The following CHD7 variants were observed in gnomAD, a reference collection of about 807,000 sequenced individuals.
CHD7 encodes the protein chromodomain helicase DNA binding protein 7, also known as ATP-dependent chromatin remodeler CHD7.
In CHD7, 24 loss-of-function variants were observed where a neutral mutation model predicts 307.3. The observed-to-expected ratio is 0.08, with a 90% CI of 0.06 to 0.11. The LOEUF (loss-of-function observed/expected upper bound fraction) is 0.11. Ranked by LOEUF, CHD7 falls within the 10% of genes least tolerant of loss-of-function variation. The pLI is 1.00. For missense variants in CHD7, 3,106 were observed against 3,727.1 expected (o/e 0.83, Z 4.34); for synonymous variants, 1,363 against 1,349.9 (o/e 1.01, Z -0.21).
chr8:60,782,764 T>C (rs1811314880), intron 3 of CHD7, among the ~76,000 whole-genome samples: 1 of 152,208 alleles, frequency 6.6e-6, no homozygotes, highest in African/African-American at 2.4e-5. Flanking sequence ...TATTAAGTGC[T>C]TATTATTTGC....
intron 1 of CHD7, among the ~76,000 whole-genome samples, chr8:60,710,971 T>A (rs963371671): frequency 6.6e-6 from 1 of 152,282 alleles, no homozygotes; most frequent in Non-Finnish European, 1.5e-5. Context: ...CATATTTTTT[T>A]AAATTCCTAG....
At chr8:60,807,311 A>G (rs906531221) in intron 6 of CHD7, among the ~76,000 whole-genome samples, 1 of 152,216 alleles carries the variant, frequency 6.6e-6, no homozygotes, top group Non-Finnish European at 1.5e-5. Flanking sequence ...TGTAAAAGCA[A>G]TCCCCAAACA....
At chr8:60,688,311 C>T (rs1013045673) in intron 1 of CHD7, among the ~76,000 whole-genome samples, 3 of 146,246 alleles carry the variant, frequency 2.1e-5, no homozygotes, top group African/African-American at 7.9e-5. Flanking sequence ...CTCCAGCTAA[C>T]ATACTTGGTA....
chr8:60,781,691 A>G (rs1330543429), intron 3 of CHD7, among the ~76,000 whole-genome samples: 1 of 152,230 alleles, frequency 6.6e-6, no homozygotes, highest in Non-Finnish European at 1.5e-5. Context: ...ATGAAAACTT[A>G]TCATTTAGCA....
At chr8:60,750,778 T>C (rs967256556) in intron 2 of CHD7, among the ~76,000 whole-genome samples, 2 of 152,238 alleles carry the variant, frequency 1.3e-5, no homozygotes, top group African/African-American at 2.4e-5. Context: ...CATGCTAGAC[T>C]CTTTCCCTAT....
At chr8:60,858,435 A>G (rs1805815709) in intron 34 of CHD7, among the ~76,000 whole-genome samples, 1 of 152,210 alleles carries the variant, frequency 6.6e-6, no homozygotes, top group Non-Finnish European at 1.5e-5. Context: ...TATGGCCCTC[A>G]GACAGAGTTG....
intron 1 of CHD7, among the ~76,000 whole-genome samples, chr8:60,684,202 T>C (rs1401845463): frequency 2.0e-5 from 3 of 152,210 alleles, no homozygotes; most frequent in Non-Finnish European, 4.4e-5. Flanking sequence ...GCTGGTTCAC[T>C]CTCAGGCTTG....
intron 31 of CHD7, among the ~76,000 whole-genome samples, 195 bp from the exon 32 acceptor site, chr8:60,854,168 A>G (rs1805604583): frequency 6.6e-6 from 1 of 152,222 alleles, no homozygotes; most frequent in African/African-American, 2.4e-5. Context: ...ATCATCTGCA[A>G]GATGGAAATA....
At chr8:60,854,734 T>C (rs1256886437) in intron 32 of CHD7, among the ~76,000 whole-genome samples, 3 of 152,220 alleles carry the variant, frequency 2.0e-5, no homozygotes, top group Non-Finnish European at 2.9e-5. Context: ...GGAAATGTGA[T>C]GTGAAAGAAA....
intron 1 of CHD7, among the ~76,000 whole-genome samples, chr8:60,684,077 A>G (rs1308546525): frequency 1.3e-5 from 2 of 152,126 alleles, no homozygotes; most frequent in African/African-American, 4.8e-5. Context: ...TTGTTTTTTC[A>G]GAGAAGGATT....
chr8:60,780,966 T>C lies in CHD7; in HGVS notation c.1666-34T>C, dbSNP rs377014957. Reference sequence around the variant, plus strand: ...TTCTTTTCTTTACTGTGAAGAATGATAAACTAATTTCAATTCCTATTTGTG... The same window carrying C: ...TTCTTTTCTTTACTGTGAAGAATGACAAACTAATTTCAATTCCTATTTGTG... On this transcript the variant is annotated intron_variant, in intron 2 of 37. Coordinates refer to ENST00000423902, the MANE Select transcript of CHD7 (RefSeq NM_017780.4). 17 of 1,486,168 alleles carry C rather than the reference T, an allele frequency of 1.1e-5. No individual in the cohort carries two copies. The African/African-American group carries it at 2.3e-4, about 20-fold the overall frequency. The allele number at this position is 1,486,168 out of a possible 1,614,324, so 92.1% of individuals were successfully genotyped here.
intron 3 of CHD7, among the ~76,000 whole-genome samples, chr8:60,781,902 T>C (rs1283372875): frequency 1.3e-5 from 2 of 152,164 alleles, no homozygotes; most frequent in Non-Finnish European, 2.9e-5. Context: ...AGGAGCAGGG[T>C]TGAAATCCTA....
At chr8:60,799,276 G>A (rs1812182906) in intron 4 of CHD7, among the ~76,000 whole-genome samples, 1 of 152,162 alleles carries the variant, frequency 6.6e-6, no homozygotes, top group Non-Finnish European at 1.5e-5. Context: ...TGAAAGTAGT[G>A]AGTCAAAGGT....
intron 1 of CHD7, among the ~76,000 whole-genome samples, chr8:60,682,061 A>G (rs1434578422): frequency 6.6e-6 from 1 of 152,176 alleles, no homozygotes; most frequent in African/African-American, 2.4e-5. Flanking sequence ...ATGTTTAAAA[A>G]CCCAAATATT....
At chr8:60,836,321 T>TAAAAAA in intron 16 of CHD7, 38 bp downstream of exon 16, 1 of 1,570,860 alleles carries the variant, frequency 6.4e-7, no homozygotes, top group Admixed American at 1.8e-5. Context: ...AAAGGAAATC[T>TAAAAAA]AAAATTACCT....
chr8:60,770,662 AT>A (rs951305425), intron 2 of CHD7, among the ~76,000 whole-genome samples: 14 of 151,664 alleles, frequency 9.2e-5, no homozygotes, highest in East Asian at 5.8e-4. Context: ...GAGGTTTTTA[AT>A]TTTTTTTTCT....
chr8:60,736,025 T>A (rs1808686187), intron 1 of CHD7, among the ~76,000 whole-genome samples: 1 of 152,220 alleles, frequency 6.6e-6, no homozygotes, highest in African/African-American at 2.4e-5. Flanking sequence ...CCTAGCATAC[T>A]AATGAGGAAG....
intron 1 of CHD7, among the ~76,000 whole-genome samples, chr8:60,737,468 TC>T (rs1192365726): frequency 6.6e-6 from 1 of 152,246 alleles, no homozygotes; most frequent in Non-Finnish European, 1.5e-5. Context: ...AGGATTTTTT[TC>T]ATCTGTTAAA....
intron 1 of CHD7, among the ~76,000 whole-genome samples, chr8:60,711,050 A>T (rs886557809): frequency 6.6e-6 from 1 of 152,202 alleles, no homozygotes; most frequent in African/African-American, 2.4e-5. Context: ...AAAATAGACC[A>T]GTTGACATTT....
Sources: gnomAD v4.1 joint callset for allele counts (sites outside exome capture counted in the v4.1 genomes callset) on GRCh38, gnomAD v4.1.1 for gene constraint, MANE v1.5 for transcripts, NCBI Gene and HGNC (gene_info 2026-07-23, HGNC 2026-07-21) for gene names.